Variants in CAPN3 observed in about 807,000 individuals in gnomAD.
CAPN3 encodes calpain-3.
A neutral mutation model predicts 114.0 loss-of-function variants in CAPN3; 88 were observed. That is an observed-to-expected ratio of 0.77 (90% confidence interval 0.65 to 0.92). The LOEUF is 0.92. Ranked by LOEUF, CAPN3 falls within the 40% of genes least tolerant of loss-of-function variation. The pLI, the probability that CAPN3 is intolerant of heterozygous loss-of-function variation, is 0.00. For synonymous variants in CAPN3, 386 were observed against 382.9 expected (o/e 1.01, Z -0.09); for missense variants, 1,028 against 1,069.0 (o/e 0.96, Z 0.53).
chr15:42,397,207 C>T (rs950944504), intron 9 of CAPN3, among the ~76,000 whole-genome samples: 2 of 152,200 alleles, frequency 1.3e-5, no homozygotes, highest in Non-Finnish European at 1.5e-5. Flanking sequence ...GATCTTCCAA[C>T]GTCAACCTCA....
Position 42,396,835 on chromosome 15 carries a change from A to C in CAPN3, c.1151A>C (p.Lys384Thr), listed in dbSNP as rs768215038. The change falls in exon 9 of 24, where the codon AAG becomes ACG. Residue 384 changes from lysine (K) to threonine (T), a missense_variant. By Grantham distance (78) the Lys-to-Thr change is moderately conservative (BLOSUM62 -1). Coordinates refer to ENST00000397163, the MANE Select transcript of CAPN3 (RefSeq NM_000070.3). ...KDWSFVDKDEKARLQHQVTED... is the reference protein window; with the variant it reads ...KDWSFVDKDETARLQHQVTED... ...TGGAGCTTTGTGGACAAAGATGAGAAGGCCCGTCTGCAGCACCAGGTCACT... is the reference window on the plus strand; with the variant it reads ...TGGAGCTTTGTGGACAAAGATGAGACGGCCCGTCTGCAGCACCAGGTCACT... The C allele has an allele frequency of 4.3e-6, 7 of 1,613,976 alleles. No individual in the cohort carries two copies. Among genetic ancestry groups the C allele is most frequent in the Non-Finnish European group, 5.9e-6 (7 of 1,179,984 alleles).
intron 8 of CAPN3, among the ~76,000 whole-genome samples, chr15:42,396,513 T>C (rs960944310): frequency 6.6e-6 from 1 of 152,148 alleles, no homozygotes; most frequent in Non-Finnish European, 1.5e-5. Context: ...GTGCTGGGAT[T>C]ACAGGTGTGA....
In CAPN3 at chr15:42,359,622, C is replaced by A; in HGVS notation, c.-184C>A. On this transcript the variant is annotated 5_prime_UTR_variant, in exon 1 of 24. An upstream open reading frame in the 5' UTR gains an earlier in-frame stop. Coordinates refer to ENST00000397163, the MANE Select transcript of CAPN3 (RefSeq NM_000070.3). ...AACTTATGGCTTCAGAATCACAGCT[C>A]GGTTTTTAAGATGGACATAACCTGT... The A allele has an allele frequency of 7.0e-7, 1 of 1,437,818 alleles. No homozygotes were observed. Among genetic ancestry groups the A allele is most frequent in the Non-Finnish European group, 9.1e-7 (1 of 1,100,566 alleles). 89.1% of individuals were successfully genotyped at this position (1,437,818 alleles called of 1,614,324 possible). A position where few individuals can be genotyped will look rare whatever the true frequency, so the allele number is the denominator to read the frequency against.
chr15:42,365,132 A>G (rs921926037), intron 1 of CAPN3, among the ~76,000 whole-genome samples: 19 of 152,034 alleles, frequency 1.2e-4, no homozygotes, highest in African/African-American at 3.9e-4. Flanking sequence ...TGTAAATTCC[A>G]TGTTATTCCA....
At chr15:42,399,381 C>G (rs2053799722) in intron 9 of CAPN3, 111 bp from the exon 10 acceptor site, 1 of 884,468 alleles carries the variant, frequency 1.1e-6, no homozygotes, top group East Asian at 2.4e-5. Flanking sequence ...GGACCCTGAC[C>G]AAGTTCCTGT....
intron 14 of CAPN3, chr15:42,405,062 TTGGGGCG>T (rs2053979899): frequency 1.0e-6 from 1 of 977,804 alleles, no homozygotes; most frequent in Non-Finnish European, 1.2e-6. Flanking sequence ...AACAGGAATG[TTGGGGCG>T]TGGGGCAATC....
chr15:42,367,811 C>A (rs959624118), intron 1 of CAPN3, among the ~76,000 whole-genome samples: 2 of 152,064 alleles, frequency 1.3e-5, no homozygotes, highest in Admixed American at 1.3e-4. Context: ...TGTATGGTAA[C>A]CCTCCCTATT....
intron 1 of CAPN3, chr15:42,374,372 C>G (rs2053032951): frequency 6.6e-6 from 1 of 152,178 alleles, no homozygotes; most frequent in East Asian, 1.9e-4. Flanking sequence ...ATCGCACAGC[C>G]CCTCAAGTTT....
rs1378233468 is a variant in CAPN3 at position 42,402,116 on chromosome 15, T to G, written c.1525-8T>G. 1 of 1,614,130 alleles carries G rather than the reference T, an allele frequency of 6.2e-7. No homozygotes were observed. The highest frequency in any genetic ancestry group is 2.2e-5 in the East Asian group (1 of 44,876). ...TCTGAAGCATCTTCCTTTCTGTTTC[T>G]TCTCAAGGTTCCCAAAGAGGTATAG... On this transcript the variant is annotated splice_region_variant and splice_polypyrimidine_tract_variant and intron_variant, in intron 11 of 23. Coordinates refer to ENST00000397163, the MANE Select transcript of CAPN3 (RefSeq NM_000070.3).
intron 5 of CAPN3, 38 bp downstream of exon 5, chr15:42,389,134 A>C (rs557938874): frequency 1.9e-6 from 3 of 1,597,130 alleles, no homozygotes; most frequent in East Asian, 4.5e-5. Context: ...GGGGAGCTCC[A>C]AGTGTCAGGA....
rs370531419 is a variant in CAPN3 at position 42,411,268 on chromosome 15, C to T, written c.2381-19C>T. 3.6e-5 allele frequency: 58 copies of T among 1,612,192 alleles called. No homozygotes were observed. Among genetic ancestry groups the T allele is most frequent in the Non-Finnish European group, 4.8e-5 (56 of 1,178,306 alleles). Reference sequence around the variant, plus strand: ...GAGTGCGCCTGTAACTGGCCTCTGGCCTGTGCATTCTTTCACAGGAGCTTT... The same window carrying T: ...GAGTGCGCCTGTAACTGGCCTCTGGTCTGTGCATTCTTTCACAGGAGCTTT... On this transcript the variant is annotated intron_variant, in intron 22 of 23. Coordinates refer to ENST00000397163, the MANE Select transcript of CAPN3 (RefSeq NM_000070.3).
rs1595828859 is a variant in CAPN3, at chr15:42,394,427, T to C, written c.1115+86T>C. On this transcript the variant is annotated intron_variant, in intron 8 of 23. Transcript: ENST00000397163. ...TGTTGGGAACTGAGCCATGAGAGTA[T>C]TGAAGATGCTTGGTATAAAATCACC... 1.3e-5 allele frequency: 13 copies of C among 1,017,322 alleles called. No individual in the cohort carries two copies. In the East Asian group the frequency reaches 3.4e-4, roughly 27 times the overall value. The allele number at this position is 1,017,322 out of a possible 1,614,324, so 63.0% of individuals were successfully genotyped here.
rs760749559 is a variant in CAPN3 at position 42,399,567 on chromosome 15, T to G, written c.1269T>G (p.Ser423=). Reference sequence around the variant, plus strand: ...ACCTCACGGCCGATGCTCTGCAGTCTGACAAGCTTCAGACCTGGACAGTGT... The same window carrying G: ...ACCTCACGGCCGATGCTCTGCAGTCGGACAAGCTTCAGACCTGGACAGTGT... ...ICNLTADALQ[S]DKLQTWTVSV... Residue 423 remains serine, a synonymous_variant, in exon 10 of 24, where the codon TCT becomes TCG. Transcript: ENST00000397163. The G allele has an allele frequency of 6.2e-7, 1 of 1,614,100 alleles. No individual in the cohort carries two copies. Among genetic ancestry groups the G allele is most frequent in the South Asian group, 1.1e-5 (1 of 91,076 alleles).
At chr15:42,380,751 A>ATATATATATATATATATATATTTTTTT (rs1436943739) in intron 1 of CAPN3, among the ~76,000 whole-genome samples, 1 of 64,484 alleles carries the variant, frequency 1.6e-5, no homozygotes, top group African/African-American at 9.0e-5. Context: ...ATATATATAT[A>ATATATATATATATATATATATTTTTTT]TTTTTTTTTT....
chr15:42,405,045 G>A (rs772367611), intron 14 of CAPN3: 295 of 985,158 alleles, frequency 3.0e-4, no homozygotes, highest in Middle Eastern at 5.2e-4. Context: ...CTCCAGTGTC[G>A]AGGGTCAACA....
chr15:42,384,451 T>C (rs1409690163), intron 1 of CAPN3, 32 bp from the exon 2 acceptor site: 1 of 1,516,268 alleles, frequency 6.6e-7, no homozygotes. Flanking sequence ...CTACTGTTAT[T>C]CTTACCTGGT....
chr15:42,369,571 C>A (rs2052882059), intron 1 of CAPN3, among the ~76,000 whole-genome samples: 1 of 152,058 alleles, frequency 6.6e-6, no homozygotes, highest in South Asian at 2.1e-4. Flanking sequence ...TGCAGTCATT[C>A]TTCTTTTTCA....
Position 42,384,889 on chromosome 15 carries a change from G to A in CAPN3, c.379+337G>A, listed in dbSNP as rs532386459. On this transcript the variant is annotated intron_variant, in intron 2 of 23. Coordinates refer to ENST00000397163, the MANE Select transcript of CAPN3 (RefSeq NM_000070.3). ...TTTCTTGGAAGACAGCTCTGTGACT[G>A]TGCACCAAGCATGCCCCTTGGGCAT... 3.9e-5 allele frequency among the ~76,000 whole-genome samples: 6 copies of A among 152,246 alleles called. No homozygotes were observed. In the South Asian group the frequency reaches 1.0e-3, roughly 26 times the overall value.
At chr15:42,372,083 C>T (rs1239966795) in intron 1 of CAPN3, among the ~76,000 whole-genome samples, 1 of 151,996 alleles carries the variant, frequency 6.6e-6, no homozygotes, top group Non-Finnish European at 1.5e-5. Context: ...GTCTTCCTAT[C>T]CATGAAGCAG....
Sources: gnomAD v4.1 joint callset for allele counts (sites outside exome capture counted in the v4.1 genomes callset) on GRCh38, gnomAD v4.1.1 for gene constraint, MANE v1.5 for transcripts, NCBI Gene and HGNC (gene_info 2026-07-23, HGNC 2026-07-21) for gene names.